NELL2: variants seen among roughly 807,000 people sequenced by gnomAD.
NELL2 encodes the protein protein kinase C-binding protein NELL2.
NELL2 carries 41 observed loss-of-function variants against 109.6 expected under a neutral mutation model. The ratio of observed to expected loss-of-function variants is 0.37; its 90% CI spans 0.29 to 0.49. The LOEUF is 0.49. NELL2 is among the 20% of genes least tolerant of loss of function. The pLI, the probability that NELL2 is intolerant of heterozygous loss-of-function variation, is 0.98. For missense variants in NELL2, 900 were observed against 1,008.3 expected, an observed-to-expected ratio of 0.89 and a Z score of 1.45; for synonymous variants, 355 against 344.7, an observed-to-expected ratio of 1.03 and a Z score of -0.33.
chr12:44,693,306 C>T (rs979841740), intron 12 of NELL2, among the ~76,000 whole-genome samples: 4 of 152,134 alleles, frequency 2.6e-5, no homozygotes, highest in Non-Finnish European at 4.4e-5. Context: ...TTTTTAAAGA[C>T]ATAATGACAT....
chr12:44,603,101 CACTT>C (rs1228226262), intron 15 of NELL2, among the ~76,000 whole-genome samples: 1 of 152,088 alleles, frequency 6.6e-6, no homozygotes, highest in Non-Finnish European at 1.5e-5. Flanking sequence ...GCTACAAAAA[CACTT>C]AGGGGTGCAA....
At chr12:44,569,004 G>A (rs1943762101) in intron 15 of NELL2, among the ~76,000 whole-genome samples, 1 of 152,044 alleles carries the variant, frequency 6.6e-6, no homozygotes, top group South Asian at 2.1e-4. Flanking sequence ...GTACTCATTA[G>A]TTATTTTTCC....
chr12:44,843,990 C>A (rs1944301309), intron 2 of NELL2, among the ~76,000 whole-genome samples: 1 of 152,098 alleles, frequency 6.6e-6, no homozygotes, highest in South Asian at 2.1e-4. Context: ...TCACTGCACT[C>A]CAGCCTGGGT....
chr12:44,629,967 A>G (rs1946393288), intron 13 of NELL2, among the ~76,000 whole-genome samples: 1 of 152,190 alleles, frequency 6.6e-6, no homozygotes, highest in Non-Finnish European at 1.5e-5. Flanking sequence ...TATTATAATG[A>G]ATAGTGAAGC....
chr12:44,522,153 C>T lies in NELL2; in HGVS notation c.2022G>A (p.Arg674=), dbSNP rs1447331075. The change falls in exon 18 of 20, where the codon CGG becomes CGA. Residue 674 remains arginine, a synonymous_variant. Transcript: ENST00000429094. ...TGGGATTCTCACAGTCACAGACCATCCGTCGACACATAACGAATCCATTCT... is the reference window on the plus strand; with the variant it reads ...TGGGATTCTCACAGTCACAGACCATTCGTCGACACATAACGAATCCATTCT... ...SCQNGFVMCR[R]MVCDCENPTV... is the part of the protein sequence containing the mutation. The T allele has an allele frequency of 1.2e-6, 2 of 1,613,814 alleles. No individual in the cohort carries two copies. Among genetic ancestry groups the T allele is most frequent in the East Asian group, 2.2e-5 (1 of 44,888 alleles).
intron 19 of NELL2, among the ~76,000 whole-genome samples, chr12:44,509,426 C>T (rs1467103631): frequency 6.6e-6 from 1 of 152,090 alleles, no homozygotes; most frequent in Non-Finnish European, 1.5e-5. Flanking sequence ...ATGTTTGCAT[C>T]CTCTTAAAAC....
intron 15 of NELL2, among the ~76,000 whole-genome samples, chr12:44,605,818 T>G (rs1339313835): frequency 6.6e-6 from 1 of 152,096 alleles, no homozygotes; most frequent in Non-Finnish European, 1.5e-5. Flanking sequence ...TCAGAGGTGT[T>G]GATGTGCAGG....
chr12:44,853,654 C>G, intron 2 of NELL2, among the ~76,000 whole-genome samples: 1 of 152,186 alleles, frequency 6.6e-6, no homozygotes, highest in Non-Finnish European at 1.5e-5. Context: ...AAAGTATTAA[C>G]AAAAGCAGTA....
intron 16 of NELL2, among the ~76,000 whole-genome samples, chr12:44,525,939 T>C (rs1188839474): frequency 7.2e-5 from 11 of 152,222 alleles, no homozygotes; most frequent in African/African-American, 2.6e-4. Context: ...TAGAGTGTTT[T>C]TGAGGCAAGA....
At chr12:44,688,591 G>T (rs1948803002) in intron 12 of NELL2, among the ~76,000 whole-genome samples, 1 of 152,194 alleles carries the variant, frequency 6.6e-6, no homozygotes, top group Non-Finnish European at 1.5e-5. Flanking sequence ...CCCACAGTTA[G>T]TAAACAGCAG....
At chr12:44,790,538 C>G (rs1216479518) in intron 3 of NELL2, among the ~76,000 whole-genome samples, 1 of 151,758 alleles carries the variant, frequency 6.6e-6, no homozygotes, top group African/African-American at 2.4e-5. Flanking sequence ...AAGCATAAAT[C>G]ACAGAGGACC....
intron 12 of NELL2, among the ~76,000 whole-genome samples, chr12:44,673,486 G>A (rs1161723977): frequency 6.6e-6 from 1 of 152,156 alleles, no homozygotes; most frequent in African/African-American, 2.4e-5. Flanking sequence ...TCAGGGGTAG[G>A]TTTTGACTTA....
At chr12:44,716,401 A>G (rs1376229166) in intron 9 of NELL2, among the ~76,000 whole-genome samples, 1 of 152,174 alleles carries the variant, frequency 6.6e-6, no homozygotes, top group African/African-American at 2.4e-5. Context: ...CATATGACTT[A>G]AAGTCTGGCT....
intron 3 of NELL2, 44 bp downstream of exon 3, chr12:44,815,942 C>T (rs768366112): frequency 7.0e-6 from 11 of 1,570,402 alleles, no homozygotes; most frequent in Non-Finnish European, 8.6e-7. Context: ...ATTCATTTAA[C>T]CACATATAAT....
At chr12:44,875,486 C>T (rs1945289438) in intron 1 of NELL2, 133 bp from the exon 2 acceptor site, 1 of 1,613,854 alleles carries the variant, frequency 6.2e-7, no homozygotes, top group African/African-American at 1.3e-5. Context: ...CGACTGCCTC[C>T]TCCTCCGCCG....
At chr12:44,821,509 T>G (rs975349730) in intron 2 of NELL2, among the ~76,000 whole-genome samples, 3 of 152,274 alleles carry the variant, frequency 2.0e-5, no homozygotes, top group Admixed American at 6.5e-5. Context: ...AAAGGTCATT[T>G]TACTCATTTG....
chr12:44,676,489 A>G (rs1592314981), intron 12 of NELL2, among the ~76,000 whole-genome samples: 1 of 152,254 alleles, frequency 6.6e-6, no homozygotes, highest in Middle Eastern at 3.4e-3. Context: ...ATTAATTTCT[A>G]TGTATTAAAA....
Position 44,876,266 on chromosome 12 carries a change from A to AC in NELL2, c.-398dup, listed in dbSNP as rs1190606999. ...AAAGCCCGGGCTGGGGCGGCCCCGCACCCCCCCGTCTTCCCCGCCGCCCGA... is the reference window on the plus strand; with the variant it reads ...AAAGCCCGGGCTGGGGCGGCCCCGCACCCCCCCCGTCTTCCCCGCCGCCCGA... On this transcript the variant is annotated 5_prime_UTR_variant, in exon 1 of 20. Coordinates refer to ENST00000429094, the MANE Select transcript of NELL2 (RefSeq NM_001145108.2). 4.9e-5 allele frequency: 56 copies of AC among 1,144,084 alleles called. No individual in the cohort carries two copies. The highest frequency in any genetic ancestry group is 2.1e-4 in the South Asian group (7 of 33,200). The allele number at this position is 1,144,084 out of a possible 1,614,324, so 70.9% of individuals were successfully genotyped here. A position where few individuals can be genotyped will look rare whatever the true frequency, so the allele number is the denominator to read the frequency against.
chr12:44,868,018 G>A (rs1233062686), intron 2 of NELL2, among the ~76,000 whole-genome samples: 2 of 151,166 alleles, frequency 1.3e-5, no homozygotes, highest in Non-Finnish European at 2.9e-5. Context: ...TACTTGGGAG[G>A]CTGATGCAGG....
Sources: gnomAD v4.1 joint callset for allele counts (sites outside exome capture counted in the v4.1 genomes callset) on GRCh38, gnomAD v4.1.1 for gene constraint, MANE v1.5 for transcripts, NCBI Gene and HGNC (gene_info 2026-07-23, HGNC 2026-07-21) for gene names.